The following MGST1 variants were observed in gnomAD, a reference collection of about 807,000 sequenced individuals.
MGST1 encodes glutathione S-transferase 12.
MGST1 carries 5 observed loss-of-function variants against 8.9 expected under a neutral mutation model. The ratio of observed to expected loss-of-function variants is 0.56; its 90% CI spans 0.29 to 1.19. MGST1 has a LOEUF of 1.19. MGST1 is among the 50% of genes most tolerant of loss of function. The probability of loss-of-function intolerance (pLI) is 0.08; values close to 1 mark genes in which losing one functional copy is unlikely to be tolerated. For missense variants in MGST1, 182 were observed against 187.4 expected, an observed-to-expected ratio of 0.97 and a Z score of 0.17; for synonymous variants, 54 against 67.8, an observed-to-expected ratio of 0.80 and a Z score of 1.00.
chr12:16,447,414 C>T (rs1941088886), intron 4 of MGST1, among the ~76,000 whole-genome samples: 1 of 151,866 alleles, frequency 6.6e-6, no homozygotes. Flanking sequence ...AGGGAAAATC[C>T]TGAAGATGAC....
rs1947252991 is a variant in MGST1, at chr12:16,559,481, T to C, written n.483-30047T>C. On this transcript the variant is annotated intron_variant and non_coding_transcript_variant, in intron 4 of 4. Coordinates refer to the MGST1 transcript ENST00000538857. This position sits in a 1 kb window ranked among gnomAD's most constrained non-coding sequence, Gnocchi z 4.1. ...GTTTGGTTTAAGATCGCACAGCTTATTAGTGGCAGAGCCCATATTAGAATT... is the reference window on the plus strand; with the variant it reads ...GTTTGGTTTAAGATCGCACAGCTTACTAGTGGCAGAGCCCATATTAGAATT... Among the ~76,000 whole-genome samples the C allele has an allele frequency of 6.6e-6, 1 of 152,210 alleles. No individual in the cohort carries two copies. The highest frequency in any genetic ancestry group is 2.4e-5 in the African/African-American group (1 of 41,456).
chr12:16,571,605 G>A (rs1328282380), intron 4 of MGST1, among the ~76,000 whole-genome samples: 1 of 151,990 alleles, frequency 6.6e-6, no homozygotes, highest in Admixed American at 6.6e-5. Context: ...CCTGGGTTGG[G>A]TAGAAAATTA....
intron 4 of MGST1, chr12:16,551,053 G>A: frequency 1.9e-6 from 1 of 528,072 alleles, no homozygotes; most frequent in Non-Finnish European, 3.4e-6. Flanking sequence ...CTGAACTGGG[G>A]CAATTTCACT....
intron 4 of MGST1, among the ~76,000 whole-genome samples, chr12:16,484,458 C>T (rs898066539): frequency 1.3e-5 from 2 of 152,078 alleles, no homozygotes; most frequent in Admixed American, 6.6e-5. Context: ...CATTCTCACA[C>T]TGCTGTAAAT....
rs769258227 is a variant in MGST1 at position 16,560,558 on chromosome 12, T to C, written n.483-28970T>C. The C allele has an allele frequency of 6.2e-7, 1 of 1,601,540 alleles. No homozygotes were observed. The highest frequency in any genetic ancestry group is 1.4e-5 in the African/African-American group (1 of 73,868). ...AAGAGCCTAGAATAAGAAACATTTTTTTTTTTTTACAAACTCTTACAGAGA... is the reference window on the plus strand; with the variant it reads ...AAGAGCCTAGAATAAGAAACATTTTCTTTTTTTTACAAACTCTTACAGAGA... On this transcript the variant is annotated intron_variant and non_coding_transcript_variant, in intron 4 of 4. Coordinates refer to the MGST1 transcript ENST00000538857. The surrounding 1 kb of genome is among the most constrained non-coding windows in gnomAD (Gnocchi z 5.0).
chr12:16,485,964 C>T (rs1473874885), intron 4 of MGST1, among the ~76,000 whole-genome samples: 1 of 152,166 alleles, frequency 6.6e-6, no homozygotes, highest in Non-Finnish European at 1.5e-5. Context: ...CCATTCCAAC[C>T]ACATAAGGGG....
At chr12:16,511,082 A>C (rs1941573523) in intron 4 of MGST1, among the ~76,000 whole-genome samples, 1 of 152,250 alleles carries the variant, frequency 6.6e-6, no homozygotes, top group Non-Finnish European at 1.5e-5. Context: ...CATGGATATA[A>C]GTTTATATTC....
intron 3 of MGST1, among the ~76,000 whole-genome samples, chr12:16,358,257 T>C (rs909063461): frequency 3.3e-5 from 5 of 152,150 alleles, no homozygotes; most frequent in African/African-American, 1.2e-4. Context: ...GTGAGCATAG[T>C]ACCCGTTAGT....
At chr12:16,538,798 C>CG (rs750937672) in intron 4 of MGST1, among the ~76,000 whole-genome samples, 299 of 151,958 alleles carry the variant, frequency 2.0e-3, no homozygotes, top group Middle Eastern at 0.01. Flanking sequence ...TTAGTAGAGA[C>CG]GGGGTTTCAC....
intron 3 of MGST1, among the ~76,000 whole-genome samples, chr12:16,373,938 G>A (rs936776416): frequency 1.3e-5 from 2 of 152,096 alleles, no homozygotes; most frequent in Admixed American, 6.6e-5. Context: ...TTTTGAGCTT[G>A]TATGTGCTTT....
chr12:16,549,409 A>G (rs1941906241), intron 4 of MGST1: 1 of 152,474 alleles, frequency 6.6e-6, no homozygotes, highest in African/African-American at 2.4e-5. Flanking sequence ...TCACAGAACC[A>G]TTTTCTTAAA....
At chr12:16,444,723 C>T (rs1941066060) in intron 4 of MGST1, among the ~76,000 whole-genome samples, 1 of 151,884 alleles carries the variant, frequency 6.6e-6, no homozygotes, top group Non-Finnish European at 1.5e-5. Context: ...TCTGGACAAC[C>T]TGCTCATGCA....
At chr12:16,445,269 G>A (rs1362084371) in intron 4 of MGST1, among the ~76,000 whole-genome samples, 1 of 151,844 alleles carries the variant, frequency 6.6e-6, no homozygotes, top group Non-Finnish European at 1.5e-5. Flanking sequence ...GGCAGGGGGT[G>A]TGAGATATAG....
intron 4 of MGST1, among the ~76,000 whole-genome samples, chr12:16,446,623 C>A (rs1941082292): frequency 6.6e-6 from 1 of 151,854 alleles, no homozygotes; most frequent in African/African-American, 2.4e-5. Flanking sequence ...ACTCCCAGGC[C>A]CCTGATGGTT....
chr12:16,367,892 G>A (rs1396828842), downstream of MGST1, among the ~76,000 whole-genome samples: 1 of 123,828 alleles, frequency 8.1e-6, no homozygotes, highest in Admixed American at 8.8e-5. Flanking sequence ...TATAGTCAAT[G>A]CTTATCTTTG....
chr12:16,528,923 G>C (rs1319093288), intron 4 of MGST1, among the ~76,000 whole-genome samples: 2 of 151,990 alleles, frequency 1.3e-5, no homozygotes, highest in Non-Finnish European at 2.9e-5. Context: ...CAACTACTTG[G>C]CTAGGTCCTT....
chr12:16,400,384 G>A (rs753539144), intron 1 of MGST1: 254 of 820,826 alleles, frequency 3.1e-4, no homozygotes, highest in Non-Finnish European at 4.9e-4. Context: ...ATTGACACGG[G>A]CCTCCAGTGA....
chr12:16,541,108 T>C (rs1278669433), intron 4 of MGST1, among the ~76,000 whole-genome samples: 1 of 152,202 alleles, frequency 6.6e-6, no homozygotes, highest in Non-Finnish European at 1.5e-5. Flanking sequence ...CTAGACCTAT[T>C]ATCTAAAATC....
At chr12:16,573,663 T>TC (rs1350281734) in intron 4 of MGST1, 5 of 152,276 alleles carry the variant, frequency 3.3e-5, no homozygotes, top group South Asian at 2.1e-4. Context: ...TCTCTGAGGC[T>TC]CCCTTCCTGC....
Sources: allele counts gnomAD v4.1 joint callset (sites outside exome capture counted in the v4.1 genomes callset), GRCh38; gene constraint gnomAD v4.1.1; non-coding constraint Gnocchi (gnomAD v3.1); transcripts MANE v1.5; gene names NCBI Gene and HGNC (gene_info 2026-07-23, HGNC 2026-07-21).